The following SHANK2 variants were observed in gnomAD, a reference collection of about 807,000 sequenced individuals.
SHANK2 encodes SH3 and multiple ankyrin repeat domains 2.
Under a neutral mutation model 133.7 loss-of-function variants are expected in SHANK2, and 43 were observed. The observed-to-expected ratio is 0.32, with a 90% CI of 0.25 to 0.41. SHANK2 has a LOEUF of 0.41. Ranked by LOEUF, SHANK2 falls within the 10% of genes least tolerant of loss-of-function variation. SHANK2 has a pLI of 1.00. For synonymous variants in SHANK2, 1,017 were observed against 952.8 expected, an observed-to-expected ratio of 1.07 and a Z score of -1.24; for missense variants, 1,994 against 2,235.8, an observed-to-expected ratio of 0.89 and a Z score of 2.18.
intron 14 of SHANK2, among the ~76,000 whole-genome samples, chr11:70,741,827 A>G (rs143906692): frequency 2.6e-5 from 4 of 152,316 alleles, no homozygotes; most frequent in Middle Eastern, 3.4e-3. Flanking sequence ...AGAAGTCACA[A>G]CTGGCAAGGA....
intron 17 of SHANK2, among the ~76,000 whole-genome samples, chr11:70,573,663 C>T (rs1196308434): frequency 6.6e-6 from 1 of 152,090 alleles, no homozygotes. Context: ...GCTTCAGGTT[C>T]TGGGAGAGAG....
intron 10 of SHANK2, among the ~76,000 whole-genome samples, chr11:70,904,324 C>T (rs548238523): frequency 6.6e-6 from 1 of 152,236 alleles, no homozygotes; most frequent in South Asian, 2.1e-4. Context: ...GCTACATGCT[C>T]AGGTCCCGCA....
intron 2 of SHANK2, among the ~76,000 whole-genome samples, chr11:71,157,129 T>C (rs1952921721): frequency 6.6e-6 from 1 of 152,038 alleles, no homozygotes; most frequent in African/African-American, 2.4e-5. Context: ...TATATATATA[T>C]ATACACACAC....
chr11:70,873,124 A>C (rs201583139), intron 11 of SHANK2: 1 of 471,192 alleles, frequency 2.1e-6, no homozygotes, highest in Non-Finnish European at 4.4e-6. Context: ...TTATAGAATG[A>C]TATGTTTGTG....
chr11:70,586,711 A>G (rs1350365597), intron 17 of SHANK2, among the ~76,000 whole-genome samples: 2 of 151,946 alleles, frequency 1.3e-5, no homozygotes, highest in African/African-American at 2.4e-5. Flanking sequence ...ATATCTCTTG[A>G]CCCTTATCCT....
chr11:71,224,761 AG>A lies in SHANK2; in HGVS notation c.-78del. On this transcript the variant is annotated 5_prime_UTR_variant, in exon 2 of 26. Coordinates refer to ENST00000601538, the MANE Select transcript of SHANK2 (RefSeq NM_012309.5). The stretch of plus-strand genomic sequence containing the variant: ...AGAGCAGGAACTGTCTGTATTCTAG[AG>A]GGCCAAAGCAGGGTGCCTGGAGAGA... 6.6e-6 allele frequency: 1 copy of A among 152,386 alleles called. No homozygotes were observed. The highest frequency in any genetic ancestry group is 1.5e-5 in the Non-Finnish European group (1 of 68,116). 9.4% of individuals were successfully genotyped at this position (152,386 alleles called of 1,614,324 possible).
chr11:70,542,831 T>C lies in SHANK2; in HGVS notation c.2062-39900A>G, dbSNP rs528786126. On this transcript the variant is annotated intron_variant, in intron 17 of 25. Coordinates refer to ENST00000601538, the MANE Select transcript of SHANK2 (RefSeq NM_012309.5). ...TGGGCCTCCTAACTCCCGGGCACCA[T>C]AGCCTCAGTTTCCCCACTGCCATGA... Among the ~76,000 whole-genome samples, 3 of 152,294 alleles carry C rather than the reference T, an allele frequency of 2.0e-5. No homozygotes were observed. The South Asian group carries it at 6.2e-4, about 32-fold the overall frequency.
intron 9 of SHANK2, among the ~76,000 whole-genome samples, chr11:71,067,208 C>T (rs1002170666): frequency 2.2e-4 from 33 of 152,182 alleles, no homozygotes; most frequent in East Asian, 7.7e-4. Context: ...TGCCACAGCT[C>T]GGACAGGTTC....
intron 1 of SHANK2, among the ~76,000 whole-genome samples, chr11:71,247,805 C>G (rs1954982475): frequency 6.6e-6 from 1 of 152,190 alleles, no homozygotes; most frequent in Non-Finnish European, 1.5e-5. Flanking sequence ...TCACACGCCC[C>G]TCACTGAGCT....
intron 1 of SHANK2, among the ~76,000 whole-genome samples, chr11:71,232,210 G>A (rs542503888): frequency 6.6e-6 from 1 of 152,214 alleles, no homozygotes; most frequent in African/African-American, 2.4e-5. Context: ...GTGGTTACCA[G>A]GGCTTATAGA....
chr11:71,216,775 C>T (rs1366610148), intron 2 of SHANK2, among the ~76,000 whole-genome samples: 1 of 152,206 alleles, frequency 6.6e-6, no homozygotes, highest in East Asian at 1.9e-4. Context: ...AGACCTCCTG[C>T]ACTGCCAATC....
chr11:70,480,223 C>G (rs1490666422), intron 25 of SHANK2, among the ~76,000 whole-genome samples: 1 of 152,240 alleles, frequency 6.6e-6, no homozygotes, highest in Non-Finnish European at 1.5e-5. Context: ...GCCTTGTACT[C>G]TCTGTCCCGT....
At chr11:71,126,409 AC>A (rs1555102678) in intron 3 of SHANK2, among the ~76,000 whole-genome samples, 3 of 152,166 alleles carry the variant, frequency 2.0e-5, no homozygotes, top group African/African-American at 7.2e-5. Flanking sequence ...TTGACAATGT[AC>A]CTGGTCACTC....
In SHANK2 at chr11:70,470,526, A is replaced by G. The variant is rs577389611; in HGVS notation, c.*2343T>C. Reference sequence around the variant, plus strand: ...CAACTGTAGGCCCAGGGAAAGTGCCATGCCAAAGGAATGGACTCACGGAAT... The same window carrying G: ...CAACTGTAGGCCCAGGGAAAGTGCCGTGCCAAAGGAATGGACTCACGGAAT... On this transcript the variant is annotated 3_prime_UTR_variant, in exon 26 of 26. Coordinates refer to ENST00000601538, the MANE Select transcript of SHANK2 (RefSeq NM_012309.5). 1.4e-4 allele frequency: 21 copies of G among 152,768 alleles called. No homozygotes were observed. The South Asian group carries it at 4.3e-3, about 32-fold the overall frequency. 9.5% of individuals were successfully genotyped at this position (152,768 alleles called of 1,614,324 possible). A position where few individuals can be genotyped will look rare whatever the true frequency, so the allele number is the denominator to read the frequency against.
intron 9 of SHANK2, among the ~76,000 whole-genome samples, chr11:71,067,209 G>A (rs1034134098): frequency 2.0e-5 from 3 of 152,136 alleles, no homozygotes; most frequent in Admixed American, 1.3e-4. Context: ...GCCACAGCTC[G>A]GACAGGTTCC....
intron 2 of SHANK2, among the ~76,000 whole-genome samples, chr11:71,199,856 A>G (rs1555116792): frequency 2.0e-5 from 3 of 152,226 alleles, no homozygotes; most frequent in Admixed American, 6.5e-5. Flanking sequence ...TAAGGATTCA[A>G]GGAGACAGCA....
intron 7 of SHANK2, among the ~76,000 whole-genome samples, chr11:71,094,317 C>G (rs1398786524): frequency 2.0e-5 from 3 of 152,092 alleles, no homozygotes; most frequent in Admixed American, 6.5e-5. Flanking sequence ...TTCTTGGGAA[C>G]CATTAATTCT....
At chr11:71,066,226 G>T (rs879083981) in intron 9 of SHANK2, among the ~76,000 whole-genome samples, 1 of 340 alleles carries the variant, frequency 2.9e-3, no homozygotes. Flanking sequence ...CTCCCCCGGA[G>T]ATGAGCAGTG....
At chr11:70,592,282 A>G (rs1377508999) in intron 17 of SHANK2, among the ~76,000 whole-genome samples, 1 of 152,110 alleles carries the variant, frequency 6.6e-6, no homozygotes, top group Non-Finnish European at 1.5e-5. Context: ...GGGGACAGCC[A>G]GGGCAGGTGA....
Sources: gnomAD v4.1 joint callset for allele counts (sites outside exome capture counted in the v4.1 genomes callset) on GRCh38, gnomAD v4.1.1 for gene constraint, MANE v1.5 for transcripts, NCBI Gene and HGNC (gene_info 2026-07-23, HGNC 2026-07-21) for gene names.